OCM2: variants seen among roughly 807,000 people sequenced by gnomAD.
OCM2 encodes the protein oncomodulin-2.
Under a neutral mutation model 13.6 loss-of-function variants are expected in OCM2, and 6 were observed. The ratio of observed to expected loss-of-function variants is 0.44; its 90% CI spans 0.24 to 0.87. The LOEUF (loss-of-function observed/expected upper bound fraction) is 0.87. OCM2 is among the 40% of genes least tolerant of loss of function. OCM2 has a pLI of 0.22. For missense variants in OCM2, 118 were observed against 136.8 expected (o/e 0.86, Z 0.68); for synonymous variants, 40 against 50.7 (o/e 0.79, Z 0.90).
chr7:97,988,861 G>T (rs1242961940), intron 1 of OCM2, among the ~76,000 whole-genome samples: 1 of 151,690 alleles, frequency 6.6e-6, no homozygotes, highest in Admixed American at 6.6e-5. Context: ...AACATCCCTG[G>T]TCTAATTGGT....
chr7:97,989,437 T>C (rs959807865), intron 1 of OCM2, among the ~76,000 whole-genome samples: 2 of 149,046 alleles, frequency 1.3e-5, no homozygotes, highest in Admixed American at 1.4e-4. Context: ...TCTCACTCTG[T>C]CGTCCAGGCT....
At chr7:97,985,795 A>G (rs1251055761) in intron 3 of OCM2, among the ~76,000 whole-genome samples, 4 of 152,240 alleles carry the variant, frequency 2.6e-5, no homozygotes, top group African/African-American at 9.6e-5. Flanking sequence ...TACTAAAAGA[A>G]GGATAATAGT....
In OCM2 at chr7:97,988,464, C is replaced by T. The variant is rs1045262559; in HGVS notation, c.146G>A (p.Arg49Gln). The change falls in exon 2 of 4, where the codon CGG (arginine) becomes CAG (glutamine). Residue 49 changes from arginine (R) to glutamine (Q), a missense_variant. Transcript: ENST00000257627. Reference sequence around the variant, plus strand: ...CCCGCTCTGGTCGTTGTCTATGAACCGGAAAACATCCTTCACCTGACTGGC... The same window carrying T: ...CCCGCTCTGGTCGTTGTCTATGAACTGGAAAACATCCTTCACCTGACTGGC... The T allele has an allele frequency of 3.7e-6, 6 of 1,614,100 alleles. No individual in the cohort carries two copies. Among genetic ancestry groups the T allele is most frequent in the African/African-American group, 2.7e-5 (2 of 75,010 alleles).
rs1562865196 is a variant in OCM2 at position 97,985,459 on chromosome 7, A to AAAG, written c.305-477_305-476insCTT. ...AGAAAGAAAGAAAGAAAGAAAGAAA[A>AAAG]AAACCCTGGGTATCAATGACTATAT... On this transcript the variant is annotated intron_variant, in intron 3 of 3. Transcript: ENST00000257627. 3.5e-5 allele frequency among the ~76,000 whole-genome samples: 5 copies of AAAG among 143,540 alleles called. No homozygotes were observed. The East Asian group carries it at 6.5e-4, about 19-fold the overall frequency. The allele number at this position is 143,540 out of a possible 152,430, so 94.2% of individuals were successfully genotyped here.
intron 1 of OCM2, among the ~76,000 whole-genome samples, chr7:97,989,382 T>TTTAC (rs1185391702): frequency 0.034 from 4,775 of 141,216 alleles, 239 homozygotes; most frequent in African/African-American, 0.12. Flanking sequence ...CAAGCTCTTA[T>TTTAC]TTACTTATTT....
intron 3 of OCM2, among the ~76,000 whole-genome samples, chr7:97,985,683 T>G (rs1794664270): frequency 6.6e-6 from 1 of 152,158 alleles, no homozygotes; most frequent in Non-Finnish European, 1.5e-5. Context: ...GAGATTTTCT[T>G]TCTCTATTCT....
chr7:97,988,267 C>T (rs1794691980), intron 2 of OCM2, 149 bp downstream of exon 2: 1 of 916,052 alleles, frequency 1.1e-6, no homozygotes, highest in Non-Finnish European at 1.6e-6. Flanking sequence ...GTGCGGTCAA[C>T]TGACTCATGT....
At chr7:97,989,386 C>CTTATTTATTTATTTATTTATTTAT (rs55906293) in intron 1 of OCM2, among the ~76,000 whole-genome samples, 5 of 145,270 alleles carry the variant, frequency 3.4e-5, no homozygotes, top group South Asian at 2.2e-4. Context: ...CTCTTATTTA[C>CTTATTTATTTATTTATTTATTTAT]TTATTTATTT....
At chr7:97,986,095 A>G (rs1224923893) in intron 3 of OCM2, among the ~76,000 whole-genome samples, 3 of 151,980 alleles carry the variant, frequency 2.0e-5, no homozygotes, top group African/African-American at 4.8e-5. Flanking sequence ...TATATTTTCA[A>G]TAGAGATGGG....
At position 97,989,906 on chromosome 7, in the gene OCM2, C is replaced by T. The variant is rs187817989; in HGVS notation, c.61+138G>A. The T allele has an allele frequency of 3.8e-5, 29 of 754,034 alleles. 2 individuals are homozygous for T. In the Middle Eastern group the frequency reaches 1.5e-3, roughly 38 times the overall value. The allele number at this position is 754,034 out of a possible 1,614,324, so 46.7% of individuals were successfully genotyped here. A position where few individuals can be genotyped will look rare whatever the true frequency, so the allele number is the denominator to read the frequency against. ...AACTCCTGACCTCGTGATCCACCCA[C>T]CTCAGCCTCCCAAAGTGCTAGGATT... On this transcript the variant is annotated intron_variant, in intron 1 of 3. Transcript: ENST00000257627.
At chr7:97,988,966 C>G (rs1217627175) in intron 1 of OCM2, among the ~76,000 whole-genome samples, 1 of 144,848 alleles carries the variant, frequency 6.9e-6, no homozygotes, top group African/African-American at 2.6e-5. Context: ...GAGTCTCACT[C>G]TGTCGCCAGG....
chr7:97,988,737 C>T (rs1384987528), intron 1 of OCM2, among the ~76,000 whole-genome samples, 189 bp from the exon 2 acceptor site: 4 of 150,066 alleles, frequency 2.7e-5, no homozygotes, highest in African/African-American at 7.5e-5. Context: ...ATGTCCCCTC[C>T]GCCCCGGTCT....
chr7:97,985,526 A>T (rs1471138530), intron 3 of OCM2, among the ~76,000 whole-genome samples: 1 of 152,176 alleles, frequency 6.6e-6, no homozygotes, highest in African/African-American at 2.4e-5. Flanking sequence ...GAACAATCTT[A>T]TTTAACAAAC....
At chr7:97,990,018 C>CGCCCCG in intron 1 of OCM2, 26 bp downstream of exon 1, 2 of 722,990 alleles carry the variant, frequency 2.8e-6, no homozygotes, top group Non-Finnish European at 4.8e-6. Flanking sequence ...TGAGGAAATC[C>CGCCCCG]CACCCCCGCC....
At chr7:97,986,298 C>T (rs1584169588) in intron 3 of OCM2, among the ~76,000 whole-genome samples, 3 of 145,038 alleles carry the variant, frequency 2.1e-5, no homozygotes, top group South Asian at 4.5e-4. Context: ...ATGTAGTAAG[C>T]GATAGTGGTA....
chr7:97,989,712 ATT>A (rs1344192037), intron 1 of OCM2, among the ~76,000 whole-genome samples: 8 of 136,566 alleles, frequency 5.9e-5, no homozygotes, highest in African/African-American at 5.4e-5. Flanking sequence ...CCTGGTCTAC[ATT>A]TTTTTTTTTT....
intron 2 of OCM2, among the ~76,000 whole-genome samples, chr7:97,987,410 A>G (rs79356705): frequency 0.02 from 3,097 of 152,098 alleles, 95 homozygotes; most frequent in African/African-American, 0.07. Context: ...CAGTGATACC[A>G]TCATGGCTCA....
chr7:97,988,604 G>T, intron 1 of OCM2, 56 bp from the exon 2 acceptor site: 2 of 1,606,578 alleles, frequency 1.2e-6, no homozygotes, highest in South Asian at 1.1e-5. Context: ...TCTATGTTGG[G>T]GCCAAGGTAC....
chr7:97,985,463 C>A (rs1252112090), intron 3 of OCM2, among the ~76,000 whole-genome samples: 2 of 142,464 alleles, frequency 1.4e-5, no homozygotes, highest in Admixed American at 7.0e-5. Flanking sequence ...AAGAAAAAAA[C>A]CCTGGGTATC....
Sources: gnomAD v4.1 joint callset for allele counts (sites outside exome capture counted in the v4.1 genomes callset) on GRCh38, gnomAD v4.1.1 for gene constraint, MANE v1.5 for transcripts, NCBI Gene and HGNC (gene_info 2026-07-23, HGNC 2026-07-21) for gene names.